PTPN14: variants seen among roughly 807,000 people sequenced by gnomAD.
The protein encoded by PTPN14 is protein tyrosine phosphatase non-receptor type 14, also known as tyrosine-protein phosphatase non-receptor type 14.
A neutral mutation model predicts 126.8 loss-of-function variants in PTPN14; 53 were observed. The ratio of observed to expected loss-of-function variants is 0.42; its 90% confidence interval spans 0.34 to 0.53. The LOEUF is 0.53. PTPN14 is among the 20% of genes least tolerant of loss of function. PTPN14 has a pLI of 0.08. For synonymous variants in PTPN14, 630 were observed against 599.3 expected, an observed-to-expected ratio of 1.05 and a Z score of -0.75; for missense variants, 1,257 against 1,552.9, an observed-to-expected ratio of 0.81 and a Z score of 3.20.
intron 2 of PTPN14, among the ~76,000 whole-genome samples, chr1:214,463,851 G>A (rs1284072293): frequency 6.6e-6 from 1 of 152,146 alleles, no homozygotes; most frequent in Non-Finnish European, 1.5e-5. Context: ...CTTCCCCACT[G>A]CTCAATATGT....
At chr1:214,399,249 G>T (rs546360391) in intron 7 of PTPN14, among the ~76,000 whole-genome samples, 2 of 152,306 alleles carry the variant, frequency 1.3e-5, no homozygotes, top group African/African-American at 4.8e-5. Context: ...AAGGTGACCA[G>T]CTGTGTCGGC....
At chr1:214,408,539 A>G (rs1571981217) in intron 5 of PTPN14, among the ~76,000 whole-genome samples, 3 of 151,092 alleles carry the variant, frequency 2.0e-5, no homozygotes, top group Non-Finnish European at 4.4e-5. Context: ...AATGTTTGTG[A>G]GCACAGGCTG....
At chr1:214,401,435 T>C (rs547293748) in intron 7 of PTPN14, among the ~76,000 whole-genome samples, 6 of 152,338 alleles carry the variant, frequency 3.9e-5, no homozygotes, top group South Asian at 2.1e-4. Flanking sequence ...AGGTGCCGGA[T>C]TGGCTGATGC....
At chr1:214,547,159 TA>T (rs1655993445) in intron 1 of PTPN14, among the ~76,000 whole-genome samples, 2 of 152,194 alleles carry the variant, frequency 1.3e-5, no homozygotes, top group Admixed American at 1.3e-4. Flanking sequence ...TTTATTTTCA[TA>T]ATCAGCATGC....
At chr1:214,360,659 T>C (rs1657934822) in intron 18 of PTPN14, among the ~76,000 whole-genome samples, 2 of 152,244 alleles carry the variant, frequency 1.3e-5, no homozygotes, top group Non-Finnish European at 1.5e-5. Context: ...AGGATCACAC[T>C]GGTGTTCAGA....
intron 3 of PTPN14, among the ~76,000 whole-genome samples, chr1:214,448,770 A>G (rs576666249): frequency 6.6e-6 from 1 of 152,254 alleles, no homozygotes; most frequent in African/African-American, 2.4e-5. Flanking sequence ...TCCACGTGAC[A>G]ACATTCACAG....
rs61357323 is a variant in PTPN14 at position 214,442,820 on chromosome 1, C to CT, written c.344+8984dup. ...GCTAACTACCTAACTGCATAGCTTT[C>CT]TTTTTTTTTTTTTTCTCTTTGAGAC... On this transcript the variant is annotated intron_variant, in intron 3 of 18. Coordinates refer to ENST00000366956, the MANE Select transcript of PTPN14 (RefSeq NM_005401.5). Among the ~76,000 whole-genome samples, 44 of 140,166 alleles carry CT rather than the reference C, an allele frequency of 3.1e-4. 1 individual carries two copies. The highest frequency in any genetic ancestry group is 3.8e-4 in the Non-Finnish European group (24 of 63,768). 92.0% of individuals were successfully genotyped at this position (140,166 alleles called of 152,430 possible). A position where few individuals can be genotyped will look rare whatever the true frequency, so the allele number is the denominator to read the frequency against.
In PTPN14 at chr1:214,384,188, G is replaced by C; in HGVS notation, c.1667C>G (p.Ala556Gly). 6.2e-7 allele frequency: 1 copy of C among 1,607,144 alleles called. No homozygotes were observed. Among genetic ancestry groups the C allele is most frequent in the Non-Finnish European group, 8.5e-7 (1 of 1,177,512 alleles). The change falls in exon 13 of 19, where the codon GCC becomes GGC. Residue 556 changes from alanine to glycine, a missense_variant. Ala to Gly is a moderately conservative substitution (Grantham distance 60). Transcript: ENST00000366956. This position sits in a 1 kb window ranked among gnomAD's most constrained non-coding sequence, Gnocchi z 5.3. Reference sequence around the variant, plus strand: ...GAAGAGATAGTTCTTAAGCATGTGGGCCGTGCTGTAGTTATGGCTGCCCTG... The same window carrying C: ...GAAGAGATAGTTCTTAAGCATGTGGCCCGTGCTGTAGTTATGGCTGCCCTG... ...QLQGSHNYST[A>G]HMLKNYLFRP...
chr1:214,427,733 G>T (rs868139511), intron 3 of PTPN14, among the ~76,000 whole-genome samples: 43 of 152,258 alleles, frequency 2.8e-4, no homozygotes, highest in African/African-American at 6.7e-4. Context: ...TAGCAAGGTA[G>T]GAGGTGGTCA....
chr1:214,398,078 A>C, intron 7 of PTPN14, 77 bp from the exon 8 acceptor site: 1 of 1,205,120 alleles, frequency 8.3e-7, no homozygotes, highest in East Asian at 2.4e-5. Flanking sequence ...AAGATATGGA[A>C]TCGACCTGAG....
At chr1:214,408,280 G>A (rs1659216058) in intron 5 of PTPN14, among the ~76,000 whole-genome samples, 1 of 152,104 alleles carries the variant, frequency 6.6e-6, no homozygotes, top group Admixed American at 6.6e-5. Context: ...AAGAGTTGAC[G>A]GAAAAAATAA....
At chr1:214,387,728 C>T (rs564304685) in intron 11 of PTPN14, among the ~76,000 whole-genome samples, 11 of 150,768 alleles carry the variant, frequency 7.3e-5, no homozygotes, top group East Asian at 1.9e-4. Context: ...ATTATTATAA[C>T]CCATCTCAGA....
Position 214,364,407 on chromosome 1 carries a change from C to A in PTPN14, c.3435+105G>T. ...AGCCTGGAAAACTCTGGTTGGGAGA[C>A]AGGAAATTAACCACTGAAAATGCAA... On this transcript the variant is annotated intron_variant, in intron 18 of 18. Transcript: ENST00000366956. The surrounding 1 kb of genome is among the most constrained non-coding windows in gnomAD (Gnocchi z 4.1). 1 of 1,411,950 alleles carries A rather than the reference C, an allele frequency of 7.1e-7. No individual in the cohort carries two copies. The highest frequency in any genetic ancestry group is 9.6e-7 in the Non-Finnish European group (1 of 1,046,954). 87.5% of individuals were successfully genotyped at this position (1,411,950 alleles called of 1,614,324 possible).
chr1:214,362,682 A>C (rs1036081129), intron 18 of PTPN14, among the ~76,000 whole-genome samples: 2 of 152,188 alleles, frequency 1.3e-5, no homozygotes, highest in Non-Finnish European at 2.9e-5. Context: ...TGAGTTGAAA[A>C]GGGGAAGTAG....
At chr1:214,422,523 G>A (rs570122062) in intron 3 of PTPN14, among the ~76,000 whole-genome samples, 50 of 152,194 alleles carry the variant, frequency 3.3e-4, no homozygotes, top group African/African-American at 1.1e-3. Context: ...CCTGAAAATC[G>A]TGTGTTCATA....
intron 1 of PTPN14, among the ~76,000 whole-genome samples, chr1:214,538,898 T>TA (rs1395452461): frequency 6.6e-6 from 1 of 152,210 alleles, no homozygotes; most frequent in Non-Finnish European, 1.5e-5. Flanking sequence ...GTCTCAAATT[T>TA]AAACTGAACG....
At chr1:214,465,053 C>G (rs56248155) in intron 1 of PTPN14, 96 bp from the exon 2 acceptor site, 180,941 of 387,242 alleles carry the variant, frequency 0.47, 44,709 homozygotes, top group East Asian at 0.61. Context: ...CCCCCCCCAC[C>G]CCGCCAAACA....
Position 214,384,703 on chromosome 1 carries a change from G to T in PTPN14, c.1152C>A (p.Thr384=), listed in dbSNP as rs781130258. The T allele has an allele frequency of 1.9e-6, 3 of 1,614,114 alleles. No homozygotes were observed. The highest frequency in any genetic ancestry group is 1.7e-5 in the Admixed American group (1 of 60,018). ...LDLNYLNGTV[T]NGSVCSVHSV... ...TGTGAACGCTACACACGCTGCCATT[G>T]GTGACAGTGCCATTTAAATAATTTA... Residue 384 remains threonine, a synonymous_variant, in exon 13 of 19, where the codon ACC becomes ACA. Transcript: ENST00000366956. The surrounding 1 kb of genome is among the most constrained non-coding windows in gnomAD (Gnocchi z 5.3).
chr1:214,469,693 T>TA (rs1660711257), intron 1 of PTPN14, among the ~76,000 whole-genome samples: 1 of 151,468 alleles, frequency 6.6e-6, no homozygotes, highest in African/African-American at 2.4e-5. Context: ...CCATTAAAAA[T>TA]AAAAAGTCAG....
Sources: allele counts gnomAD v4.1 joint callset (sites outside exome capture counted in the v4.1 genomes callset), GRCh38; gene constraint gnomAD v4.1.1; non-coding constraint Gnocchi (gnomAD v3.1); transcripts MANE v1.5; gene names NCBI Gene and HGNC (gene_info 2026-07-23, HGNC 2026-07-21).